NLRC4: variants seen among roughly 807,000 people sequenced by gnomAD.
NLRC4 encodes NLR family CARD domain containing 4.
A neutral mutation model predicts 79.9 loss-of-function variants in NLRC4; 63 were observed. That is an observed-to-expected ratio of 0.79 (90% CI 0.64 to 0.97). The LOEUF is 0.97. Among genes scored for constraint, NLRC4 ranks in the 50% least tolerant of loss-of-function variants. The pLI is 0.00. For missense variants in NLRC4, 1,074 were observed against 1,215.2 expected (o/e 0.88, Z 1.73); for synonymous variants, 461 against 456.5 (o/e 1.01, Z -0.12).
intron 8 of NLRC4, 85 bp from the exon 9 acceptor site, chr2:32,224,850 CT>C (rs988655553): frequency 5.0e-5 from 40 of 805,930 alleles, no homozygotes; most frequent in South Asian, 1.1e-4. Flanking sequence ...ATTTTACATA[CT>C]TTTTTTTCAC....
Position 32,224,567 on chromosome 2 carries a change from A to G in NLRC4, c.2981T>C (p.Leu994Ser). 1 of 1,613,860 alleles carries G rather than the reference A, an allele frequency of 6.2e-7. No individual in the cohort carries two copies. Among genetic ancestry groups the G allele is most frequent in the Non-Finnish European group, 8.5e-7 (1 of 1,179,786 alleles). ...AAGCCTAGCTTCTTGCAGAAAAGTT[A>G]ACTTGGATAACACTTGGCTAAGTTT... Reference protein sequence around the residue: ...VRKLSQVLSKLTFLQEARLVG... With the variant: ...VRKLSQVLSKSTFLQEARLVG... Residue 994 changes from leucine to serine, a missense_variant, in exon 9 of 9, where the codon TTA (leucine) becomes TCA (serine). Physicochemically the swap from Leu to Ser is moderately radical, Grantham distance 145. Coordinates refer to ENST00000402280, the MANE Select transcript of NLRC4 (RefSeq NM_001199138.2).
chr2:32,258,768 A>G (rs1224847911), intron 1 of NLRC4, among the ~76,000 whole-genome samples: 6 of 152,158 alleles, frequency 3.9e-5, no homozygotes, highest in South Asian at 2.1e-4. Flanking sequence ...TTTAAAAGCA[A>G]CTTCCTTTCT....
chr2:32,243,400 A>AC (rs990103990), intron 4 of NLRC4, among the ~76,000 whole-genome samples: 15 of 151,654 alleles, frequency 9.9e-5, no homozygotes, highest in Admixed American at 9.9e-4. Context: ...ACAGAGTGAG[A>AC]CCCCATCTCG....
In NLRC4 at chr2:32,224,453, T is replaced by C; in HGVS notation, c.*20A>G. ...AATAATGAGGTCCCAGAGCACTTACTGGCTTCGAGTACACTTTATTTAAGC... is the reference window on the plus strand; with the variant it reads ...AATAATGAGGTCCCAGAGCACTTACCGGCTTCGAGTACACTTTATTTAAGC... On this transcript the variant is annotated 3_prime_UTR_variant, in exon 9 of 9. Transcript: ENST00000402280. 4.5e-6 allele frequency: 7 copies of C among 1,543,194 alleles called. No individual in the cohort carries two copies. The highest frequency in any genetic ancestry group is 6.1e-6 in the Non-Finnish European group (7 of 1,144,162).
At chr2:32,245,161 A>G (rs1686902498) in intron 4 of NLRC4, among the ~76,000 whole-genome samples, 1 of 151,828 alleles carries the variant, frequency 6.6e-6, no homozygotes, top group Non-Finnish European at 1.5e-5. Context: ...AAATACAAAA[A>G]TTAGCCAGGC....
At position 32,250,772 on chromosome 2, in the gene NLRC4, A is replaced by T. The variant is rs764674250; in HGVS notation, c.1092T>A (p.His364Gln). The change falls in exon 4 of 9, where the codon CAT becomes CAA. Residue 364 changes from histidine (H) to glutamine (Q), a missense_variant. Physicochemically the swap from His to Gln is conservative, Grantham distance 24. Coordinates refer to ENST00000402280, the MANE Select transcript of NLRC4 (RefSeq NM_001199138.2). This position sits in a 1 kb window ranked among gnomAD's most constrained non-coding sequence, Gnocchi z 4.9. The stretch of plus-strand genomic sequence containing the variant: ...TCTGTATCAACAGATCATAGAAGGT[A>T]TGGAACAGCGTTGTTTGTGTGTGAG... ...FHSHTQTTLF[H>Q]TFYDLLIQKN... The T allele has an allele frequency of 6.2e-7, 1 of 1,614,216 alleles. No individual in the cohort carries two copies. Among genetic ancestry groups the T allele is most frequent in the Admixed American group, 1.7e-5 (1 of 60,020 alleles).
At position 32,224,718 on chromosome 2, in the gene NLRC4, A is replaced by G; in HGVS notation, c.2830T>C (p.Leu944=). The part of the protein sequence containing the change: ...NPLKNFQQLN[L]AGNRVSSDGW... Reference sequence around the variant, plus strand: ...TCACTGCTCACACGATTTCCCGCCAAATTCAACTGCTGGAAGTTTTTCAGA... The same window carrying G: ...TCACTGCTCACACGATTTCCCGCCAGATTCAACTGCTGGAAGTTTTTCAGA... The change falls in exon 9 of 9, where the codon TTG becomes CTG. Residue 944 remains leucine (L), a synonymous_variant. Coordinates refer to ENST00000402280, the MANE Select transcript of NLRC4 (RefSeq NM_001199138.2). 1 of 1,600,990 alleles carries G rather than the reference A, an allele frequency of 6.2e-7. No homozygotes were observed. The highest frequency in any genetic ancestry group is 1.1e-5 in the South Asian group (1 of 88,408).
chr2:32,253,755 G>C (rs1027711612), intron 2 of NLRC4, among the ~76,000 whole-genome samples: 1 of 151,672 alleles, frequency 6.6e-6, no homozygotes, highest in Admixed American at 6.6e-5. Flanking sequence ...ACCAGAGGTC[G>C]GGAGTTCGAG....
intron 1 of NLRC4, among the ~76,000 whole-genome samples, chr2:32,259,249 C>T (rs563349973): frequency 7.6e-5 from 7 of 91,670 alleles, no homozygotes; most frequent in African/African-American, 2.2e-4. Context: ...GTGTGTGCCA[C>T]CATGCCTGGC....
chr2:32,230,693 G>A (rs79946686), intron 8 of NLRC4, among the ~76,000 whole-genome samples: 7,611 of 152,100 alleles, frequency 0.05, 236 homozygotes, highest in Middle Eastern at 0.14. Flanking sequence ...CATTTGAGTT[G>A]TTTCCACTTT....
At chr2:32,262,054 C>T (rs1053147548) in intron 1 of NLRC4, among the ~76,000 whole-genome samples, 3 of 151,936 alleles carry the variant, frequency 2.0e-5, no homozygotes, top group Admixed American at 6.6e-5. Context: ...GCACTCCAGC[C>T]TGGTGACAGA....
chr2:32,235,693 A>G, intron 7 of NLRC4, 125 bp from the exon 8 acceptor site: 1 of 759,180 alleles, frequency 1.3e-6, no homozygotes, highest in South Asian at 2.1e-5. Flanking sequence ...CTGTAATGAG[A>G]ATCTACTTAA....
At chr2:32,257,111 C>G (rs1687224761) in intron 1 of NLRC4, among the ~76,000 whole-genome samples, 1 of 152,220 alleles carries the variant, frequency 6.6e-6, no homozygotes, top group Non-Finnish European at 1.5e-5. Context: ...GGAACTTTGC[C>G]CTTCTCTTCA....
intron 4 of NLRC4, among the ~76,000 whole-genome samples, chr2:32,241,350 T>C (rs1164347230): frequency 7.0e-6 from 1 of 143,698 alleles, no homozygotes; most frequent in Admixed American, 7.1e-5. Context: ...ATTTCCCAGA[T>C]AACAGGGAAA....
At chr2:32,226,607 G>A (rs959194508) in intron 8 of NLRC4, among the ~76,000 whole-genome samples, 11 of 152,188 alleles carry the variant, frequency 7.2e-5, no homozygotes, top group Non-Finnish European at 4.4e-5. Flanking sequence ...GAGGCCGGGT[G>A]CGGTGGCTCA....
At chr2:32,242,718 T>C (rs1686833742) in intron 4 of NLRC4, among the ~76,000 whole-genome samples, 2 of 152,290 alleles carry the variant, frequency 1.3e-5, no homozygotes, top group South Asian at 4.1e-4. Context: ...GAAGCCATCA[T>C]TAACTTGATA....
In NLRC4 at chr2:32,235,399, A is replaced by G. The variant is rs1389044446; in HGVS notation, c.2782+2T>C. On this transcript the variant is annotated splice_donor_variant, in intron 8 of 8. Coordinates refer to ENST00000402280, the MANE Select transcript of NLRC4 (RefSeq NM_001199138.2). LOFTEE classifies it high-confidence loss of function. The stretch of plus-strand genomic sequence containing the variant: ...ATCTTGGCTCTGTATGTGTGTACCT[A>G]CCTAAAATTCTAATCTCTGTATCTG... The G allele has an allele frequency of 6.2e-7, 1 of 1,612,508 alleles. No individual in the cohort carries two copies. The highest frequency in any genetic ancestry group is 8.5e-7 in the Non-Finnish European group (1 of 1,178,484).
At chr2:32,233,186 AAGGAAGGAAGGG>A (rs1457219231) in intron 8 of NLRC4, among the ~76,000 whole-genome samples, 12 of 51,898 alleles carry the variant, frequency 2.3e-4, no homozygotes, top group South Asian at 1.5e-3. Context: ...GGAAGGAAGG[AAGGAAGGAAGGG>A]AGGGAGGGAA....
intron 1 of NLRC4, among the ~76,000 whole-genome samples, chr2:32,259,750 A>G (rs1188533585): frequency 6.6e-6 from 1 of 152,086 alleles, no homozygotes; most frequent in East Asian, 1.9e-4. Context: ...CTCAAAGAAA[A>G]TCACTCTTCT....
Sources: gnomAD v4.1 joint callset for allele counts (sites outside exome capture counted in the v4.1 genomes callset) on GRCh38, gnomAD v4.1.1 for gene constraint, Gnocchi (gnomAD v3.1) non-coding constraint, MANE v1.5 for transcripts, NCBI Gene and HGNC (gene_info 2026-07-23, HGNC 2026-07-21) for gene names.